Variants in CCDC146 observed in about 807,000 individuals in gnomAD.
CCDC146 encodes coiled-coil domain containing 146, also known as coiled-coil domain-containing protein 146.
In CCDC146, 92 loss-of-function variants were observed where a neutral mutation model predicts 119.3. The ratio of observed to expected loss-of-function variants is 0.77; its 90% CI spans 0.65 to 0.92. CCDC146 has a LOEUF of 0.92. Ranked by LOEUF, CCDC146 falls within the 40% of genes least tolerant of loss-of-function variation. CCDC146 has a pLI of 0.00. For missense variants in CCDC146, 1,000 were observed against 1,103.0 expected (o/e 0.91, Z 1.32); for synonymous variants, 372 against 371.8 (o/e 1.00, Z -0.01).
At chr7:77,257,400 C>A (rs747736471) in intron 6 of CCDC146, 1 of 152,066 alleles carries the variant, frequency 6.6e-6, no homozygotes, top group Non-Finnish European at 1.5e-5. Flanking sequence ...AATGGTGATA[C>A]ACTTTGACCT....
chr7:77,188,285 A>T (rs1791703622), intron 2 of CCDC146, among the ~76,000 whole-genome samples: 1 of 152,060 alleles, frequency 6.6e-6, no homozygotes, highest in Admixed American at 6.6e-5. Flanking sequence ...CTCTATCAAA[A>T]TATCTCATGT....
At chr7:77,246,086 C>T (rs975377760) in intron 4 of CCDC146, among the ~76,000 whole-genome samples, 4 of 151,738 alleles carry the variant, frequency 2.6e-5, no homozygotes, top group Non-Finnish European at 5.9e-5. Context: ...GTGACTCTGA[C>T]TCACATTATA....
chr7:77,247,010 A>G (rs1792962418), intron 4 of CCDC146, among the ~76,000 whole-genome samples: 1 of 152,210 alleles, frequency 6.6e-6, no homozygotes, highest in Non-Finnish European at 1.5e-5. Context: ...CTGTTTAGCA[A>G]CTTAGGAAAA....
At chr7:77,270,835 C>T (rs924300776) in intron 9 of CCDC146, among the ~76,000 whole-genome samples, 6 of 152,090 alleles carry the variant, frequency 3.9e-5, no homozygotes, top group Non-Finnish European at 8.8e-5. Flanking sequence ...ATGGCTATTC[C>T]ACCTTAAGCA....
intron 1 of CCDC146, among the ~76,000 whole-genome samples, chr7:77,158,111 C>G (rs1347550148): frequency 1.3e-5 from 2 of 152,134 alleles, no homozygotes; most frequent in African/African-American, 4.8e-5. Context: ...TTTTTCAGCC[C>G]TATCTACTCT....
At chr7:77,229,864 A>G (rs1792588189) in intron 2 of CCDC146, among the ~76,000 whole-genome samples, 1 of 152,134 alleles carries the variant, frequency 6.6e-6, no homozygotes, top group Admixed American at 6.5e-5. Context: ...CTTTTAGTAT[A>G]TATACAGAGT....
chr7:77,256,962 G>A (rs192958443), intron 6 of CCDC146, among the ~76,000 whole-genome samples: 87 of 152,110 alleles, frequency 5.7e-4, no homozygotes, highest in Non-Finnish European at 1.1e-3. Context: ...AAATTAGCCG[G>A]GTGTGTGATG....
chr7:77,282,358 G>A, intron 14 of CCDC146, 199 bp from the exon 15 acceptor site: 1 of 509,180 alleles, frequency 2.0e-6, no homozygotes, highest in Non-Finnish European at 3.5e-6. Flanking sequence ...AAGTTGAGAG[G>A]CTCAGTAACC....
At chr7:77,244,289 A>G (rs892169391) in intron 4 of CCDC146, among the ~76,000 whole-genome samples, 3 of 152,180 alleles carry the variant, frequency 2.0e-5, no homozygotes, top group African/African-American at 7.2e-5. Context: ...GTTACAGTAA[A>G]TTTATTATCA....
Position 77,142,362 on chromosome 7 carries a change from G to A in CCDC146, c.-12+19630G>A, listed in dbSNP as rs567572091. Among the ~76,000 whole-genome samples, 32 of 151,020 alleles carry A rather than the reference G, an allele frequency of 2.1e-4. 1 individual carries two copies. The South Asian group carries it at 5.7e-3, about 27-fold the overall frequency. On this transcript the variant is annotated intron_variant, in intron 1 of 18. Transcript: ENST00000285871. The stretch of plus-strand genomic sequence containing the variant: ...TATTTATATTATACTTTAAGTTCTA[G>A]GGTACATGTGCACAACGTGCAGGTT...
intron 2 of CCDC146, among the ~76,000 whole-genome samples, chr7:77,212,950 ATTT>A (rs5885013): frequency 1.8e-5 from 2 of 111,264 alleles, no homozygotes; most frequent in Non-Finnish European, 3.7e-5. Flanking sequence ...GGTCACATTA[ATTT>A]TTTTTTTTTT....
At chr7:77,258,615 A>C (rs1793226939) in intron 6 of CCDC146, among the ~76,000 whole-genome samples, 1 of 152,184 alleles carries the variant, frequency 6.6e-6, no homozygotes, top group Non-Finnish European at 1.5e-5. Context: ...GTGTCCTGAG[A>C]ATGTAGGCTA....
intron 2 of CCDC146, among the ~76,000 whole-genome samples, chr7:77,220,438 G>A (rs946332089): frequency 2.0e-5 from 3 of 152,162 alleles, no homozygotes; most frequent in Non-Finnish European, 4.4e-5. Flanking sequence ...AATCATCACA[G>A]GGTCCTGAGG....
At chr7:77,231,129 C>T (rs1220527315) in intron 2 of CCDC146, among the ~76,000 whole-genome samples, 1 of 152,212 alleles carries the variant, frequency 6.6e-6, no homozygotes, top group Non-Finnish European at 1.5e-5. Flanking sequence ...AGCATGTACA[C>T]ACTGTGTATG....
chr7:77,219,967 A>T (rs1029714144), intron 2 of CCDC146, among the ~76,000 whole-genome samples: 1 of 152,218 alleles, frequency 6.6e-6, no homozygotes, highest in Non-Finnish European at 1.5e-5. Context: ...AGAATTACTG[A>T]TGAAGGTCCA....
At chr7:77,261,197 T>C (rs192522362) in intron 8 of CCDC146, among the ~76,000 whole-genome samples, 1 of 152,084 alleles carries the variant, frequency 6.6e-6, no homozygotes, top group Non-Finnish European at 1.5e-5. Context: ...TCATGGGGGG[T>C]TGTTGTACAG....
intron 1 of CCDC146, among the ~76,000 whole-genome samples, chr7:77,127,298 C>G (rs1425352812): frequency 1.3e-5 from 2 of 152,060 alleles, no homozygotes; most frequent in African/African-American, 2.4e-5. Context: ...TGTTCCCAGC[C>G]CCACTTCAAG....
chr7:77,136,802 C>A (rs1439184412), intron 1 of CCDC146, among the ~76,000 whole-genome samples: 1 of 152,066 alleles, frequency 6.6e-6, no homozygotes, highest in African/African-American at 2.4e-5. Context: ...AGACAAAGAC[C>A]TTAAAGAAAA....
intron 4 of CCDC146, among the ~76,000 whole-genome samples, chr7:77,253,150 A>C (rs1793109151): frequency 6.6e-6 from 1 of 152,202 alleles, no homozygotes; most frequent in African/African-American, 2.4e-5. Context: ...CTTGTAGTGG[A>C]AACAAAAGTG....
Sources: gnomAD v4.1 joint callset for allele counts (sites outside exome capture counted in the v4.1 genomes callset) on GRCh38, gnomAD v4.1.1 for gene constraint, MANE v1.5 for transcripts, NCBI Gene and HGNC (gene_info 2026-07-23, HGNC 2026-07-21) for gene names.